Variants in FLNB observed in about 807,000 individuals in gnomAD.
The protein encoded by FLNB is filamin-B.
In FLNB, 111 loss-of-function variants were observed where a neutral mutation model predicts 250.6. The observed-to-expected ratio is 0.44, with a 90% CI of 0.38 to 0.52. FLNB has a LOEUF of 0.52. Among genes scored for constraint, FLNB ranks in the 20% least tolerant of loss-of-function variants. The pLI, the probability that FLNB is intolerant of heterozygous loss-of-function variation, is 0.00. For synonymous variants in FLNB, 1,302 were observed against 1,372.1 expected (o/e 0.95, Z 1.13); for missense variants, 2,869 against 3,447.8 (o/e 0.83, Z 4.20).
At position 58,098,736 on chromosome 3, in the gene FLNB, G is replaced by A; in HGVS notation, c.1173G>A (p.Val391=). Residue 391 remains valine, a synonymous_variant, in exon 8 of 46, where the codon GTG becomes GTA. Transcript: ENST00000295956. The part of the protein sequence containing the change: ...TAGAGVGDIG[V]EVEDPQGKNT... Reference sequence around the variant, plus strand: ...GAGCTGGTGTGGGTGACATTGGTGTGGAGGTGGAAGATCCCCAGGGGAAGA... The same window carrying A: ...GAGCTGGTGTGGGTGACATTGGTGTAGAGGTGGAAGATCCCCAGGGGAAGA... The A allele has an allele frequency of 6.2e-7, 1 of 1,614,158 alleles. No individual in the cohort carries two copies. Among genetic ancestry groups the A allele is most frequent in the South Asian group, 1.1e-5 (1 of 91,080 alleles).
chr3:58,141,145 C>T (rs901567618), intron 29 of FLNB, among the ~76,000 whole-genome samples: 2 of 151,942 alleles, frequency 1.3e-5, no homozygotes, highest in Non-Finnish European at 2.9e-5. Context: ...CCCAACTGCT[C>T]AGGAGGCTGA....
At chr3:58,129,518 C>T (rs1229270066) in intron 24 of FLNB, among the ~76,000 whole-genome samples, 1 of 152,140 alleles carries the variant, frequency 6.6e-6, no homozygotes, top group Non-Finnish European at 1.5e-5. Flanking sequence ...AAGTAAAGCC[C>T]CCTTTTGTTC....
At chr3:58,103,902 G>T (rs2097255000) in intron 9 of FLNB, 57 bp from the exon 10 acceptor site, 1 of 1,608,602 alleles carries the variant, frequency 6.2e-7, no homozygotes, top group South Asian at 1.1e-5. Context: ...TTGTCCTTTT[G>T]ATTCTCATTT....
rs574597503 is a variant in FLNB at position 58,087,771 on chromosome 3, G to A, written c.787+5995G>A. ...AGCCTTTTTTTTGAGACAGAGTTTC[G>A]CTCTTGTTGCCCAGGCTGGAGTGCA... On this transcript the variant is annotated intron_variant, in intron 4 of 45. Transcript: ENST00000295956. Among the ~76,000 whole-genome samples the A allele has an allele frequency of 3.4e-5, 5 of 145,686 alleles. No individual in the cohort carries two copies. In the East Asian group the frequency reaches 1.0e-3, roughly 30 times the overall value.
rs765688878 is a variant in FLNB, at chr3:58,125,532, A to G, written c.3899-49A>G. Reference sequence around the variant, plus strand: ...TGAAGTAGAGAATCATTTTTCACAAATAGGGGATTTGTATGCAAATATGCG... The same window carrying G: ...TGAAGTAGAGAATCATTTTTCACAAGTAGGGGATTTGTATGCAAATATGCG... On this transcript the variant is annotated intron_variant, in intron 22 of 45. Coordinates refer to ENST00000295956, the MANE Select transcript of FLNB (RefSeq NM_001457.4). The G allele has an allele frequency of 1.8e-5, 28 of 1,598,654 alleles. No individual in the cohort carries two copies. The South Asian group carries it at 2.9e-4, about 16-fold the overall frequency.
At chr3:58,121,530 T>C (rs751705723) in intron 20 of FLNB, 27 bp downstream of exon 20, 4 of 1,612,976 alleles carry the variant, frequency 2.5e-6, no homozygotes, top group Non-Finnish European at 2.5e-6. Flanking sequence ...GTCCCAGAAC[T>C]TGTCTCATTG....
intron 1 of FLNB, among the ~76,000 whole-genome samples, chr3:58,027,718 C>T (rs1315497170): frequency 6.6e-6 from 1 of 152,194 alleles, no homozygotes; most frequent in Non-Finnish European, 1.5e-5. Context: ...AAAGGAACCA[C>T]CTTTACTATT....
At position 58,169,279 on chromosome 3, in the gene FLNB, C is replaced by T. The variant is rs2097376868; in HGVS notation, c.7418-311C>T. 4.9e-6 allele frequency: 2 copies of T among 408,646 alleles called. No individual in the cohort carries two copies. Among genetic ancestry groups the T allele is most frequent in the Non-Finnish European group, 4.5e-6 (1 of 221,100 alleles). The allele number at this position is 408,646 out of a possible 1,614,324, so 25.3% of individuals were successfully genotyped here. A position where few individuals can be genotyped will look rare whatever the true frequency, so the allele number is the denominator to read the frequency against. ...TGCTTATACATAGACTATTTTATGT[C>T]AATAGAAAGATGTGAATTCCACAGG... is the stretch of plus-strand genomic sequence containing the variant. On this transcript the variant is annotated intron_variant, in intron 44 of 45. Coordinates refer to ENST00000295956, the MANE Select transcript of FLNB (RefSeq NM_001457.4). This position sits in a 1 kb window ranked among gnomAD's most constrained non-coding sequence, Gnocchi z 4.8.
At chr3:58,158,942 G>A (rs764668020) in intron 41 of FLNB, among the ~76,000 whole-genome samples, 21 of 151,794 alleles carry the variant, frequency 1.4e-4, no homozygotes, top group Admixed American at 6.6e-5. Context: ...AGTAGCCCTC[G>A]AGATAGATCG....
chr3:58,130,768 ATGT>A lies in FLNB; in HGVS notation c.4254_4256del (p.Val1419del). On this transcript the variant is annotated inframe_deletion, in exon 25 of 46. Coordinates refer to ENST00000295956, the MANE Select transcript of FLNB (RefSeq NM_001457.4). ...AGCCCCTTCAGGGTTCCTGTGAAGGATGTTGTGGACCCCAGCAAGGTCAAGATT... is the reference window on the plus strand; with the variant it reads ...AGCCCCTTCAGGGTTCCTGTGAAGGATGTGGACCCCAGCAAGGTCAAGATT... 1 of 1,613,772 alleles carries A rather than the reference ATGT, an allele frequency of 6.2e-7. No individual in the cohort carries two copies. The highest frequency in any genetic ancestry group is 8.5e-7 in the Non-Finnish European group (1 of 1,179,918).
In FLNB at chr3:58,121,281, CA is replaced by C. The variant is rs747066748; in HGVS notation, c.2905del (p.Arg969GlyfsTer11). The C allele has an allele frequency of 1.2e-5, 19 of 1,614,040 alleles. No individual in the cohort carries two copies. Among genetic ancestry groups the C allele is most frequent in the Admixed American group, 1.7e-5 (1 of 60,008 alleles). ...AGGATCAGGAGTTCACCGTTGATAC[CA>C]GGGGGGCAGGAGGCCAGGGGAAGCT... ...GKDQEFTVDT[R>X]GAGGQGKLDV... On this transcript the variant is annotated frameshift_variant, in exon 20 of 46. Coordinates refer to ENST00000295956, the MANE Select transcript of FLNB (RefSeq NM_001457.4). LOFTEE classifies it high-confidence loss of function.
chr3:58,061,392 A>T (rs992868764), intron 1 of FLNB, among the ~76,000 whole-genome samples: 1 of 152,130 alleles, frequency 6.6e-6, no homozygotes, highest in Non-Finnish European at 1.5e-5. Flanking sequence ...GTATTGTACT[A>T]TGTTTCTTTT....
Position 58,142,081 on chromosome 3 carries a change from G to C in FLNB, c.5181+152G>C. On this transcript the variant is annotated intron_variant, in intron 30 of 45. Transcript: ENST00000295956. This position sits in a 1 kb window ranked among gnomAD's most constrained non-coding sequence, Gnocchi z 4.3. The stretch of plus-strand genomic sequence containing the variant: ...TGATCAGCCCATCACGATGATCCCT[G>C]CTTTTTCTGTAATAAGATCACCTTT... The C allele has an allele frequency of 1.4e-6, 1 of 730,614 alleles. No individual in the cohort carries two copies. Among genetic ancestry groups the C allele is most frequent in the South Asian group, 1.5e-5 (1 of 66,796 alleles). 45.3% of individuals were successfully genotyped at this position (730,614 alleles called of 1,614,324 possible). A position where few individuals can be genotyped will look rare whatever the true frequency, so the allele number is the denominator to read the frequency against.
intron 1 of FLNB, among the ~76,000 whole-genome samples, chr3:58,060,888 G>A (rs76158182): frequency 0.011 from 1,611 of 150,480 alleles, 32 homozygotes; most frequent in East Asian, 0.053. Context: ...CTTCAACATC[G>A]ACTCCTCTGG....
rs201370865 is a variant in FLNB, at chr3:58,141,895, C to T, written c.5147C>T (p.Pro1716Leu). Residue 1716 changes from proline to leucine, a missense_variant, in exon 30 of 46, where the codon CCG becomes CTG. Transcript: ENST00000295956. ...DGEVTAVEEA[P>L]VNACPPGFRP... is the part of the protein sequence containing the mutation. ...GAAGTCACAGCCGTGGAGGAGGCAC[C>T]GGTAAATGCATGTCCCCCTGGATTC... 2.0e-5 allele frequency: 32 copies of T among 1,614,118 alleles called. 1 individual carries two copies. Among genetic ancestry groups the T allele is most frequent in the Middle Eastern group, 1.6e-4 (1 of 6,062 alleles).
At chr3:58,039,831 A>AC (rs1478457133) in intron 1 of FLNB, among the ~76,000 whole-genome samples, 1 of 152,012 alleles carries the variant, frequency 6.6e-6, no homozygotes, top group Non-Finnish European at 1.5e-5. Flanking sequence ...GGAACATCTC[A>AC]CGTTGTGAAG....
chr3:58,061,968 G>A (rs1244776232), intron 1 of FLNB, among the ~76,000 whole-genome samples: 2 of 151,852 alleles, frequency 1.3e-5, no homozygotes, highest in African/African-American at 4.8e-5. Flanking sequence ...GGGGGCGCCT[G>A]TAATCCCAGC....
chr3:58,060,352 C>CTT lies in FLNB; in HGVS notation c.293-16676_293-16675dup, dbSNP rs138957329. Among the ~76,000 whole-genome samples the CTT allele has an allele frequency of 7.6e-3, 1,027 of 136,010 alleles. 10 individuals are homozygous for CTT. The highest frequency in any genetic ancestry group is 0.026 in the African/African-American group (953 of 36,614). The allele number at this position is 136,010 out of a possible 152,430, so 89.2% of individuals were successfully genotyped here. A position where few individuals can be genotyped will look rare whatever the true frequency, so the allele number is the denominator to read the frequency against. On this transcript the variant is annotated intron_variant, in intron 1 of 45. Coordinates refer to ENST00000295956, the MANE Select transcript of FLNB (RefSeq NM_001457.4). Reference sequence around the variant, plus strand: ...GGCAACATGGTGAGACCCTGTCTCTCTTTTTTTTTTTTTTTTTTTGAGATG... The same window carrying CTT: ...GGCAACATGGTGAGACCCTGTCTCTCTTTTTTTTTTTTTTTTTTTTTGAGATG...
chr3:58,150,589 G>C, intron 38 of FLNB: 1 of 333,126 alleles, frequency 3.0e-6, no homozygotes, highest in Non-Finnish European at 5.7e-6. Context: ...TATTTAAGAG[G>C]TGGCAGCCCA....
Sources: gnomAD v4.1 joint callset for allele counts (sites outside exome capture counted in the v4.1 genomes callset) on GRCh38, gnomAD v4.1.1 for gene constraint, Gnocchi (gnomAD v3.1) non-coding constraint, MANE v1.5 for transcripts, NCBI Gene and HGNC (gene_info 2026-07-23, HGNC 2026-07-21) for gene names.